GALNT10: variants seen among roughly 807,000 people sequenced by gnomAD.
GALNT10 encodes the protein GalNAc transferase 10.
A neutral mutation model predicts 75.0 loss-of-function variants in GALNT10; 41 were observed. That is an observed-to-expected ratio of 0.55 (90% confidence interval 0.43 to 0.71). The LOEUF is 0.71. Among genes scored for constraint, GALNT10 ranks in the 30% least tolerant of loss-of-function variants. GALNT10 has a pLI of 0.00. For missense variants in GALNT10, 727 were observed against 818.5 expected, an observed-to-expected ratio of 0.89 and a Z score of 1.36; for synonymous variants, 302 against 313.0, an observed-to-expected ratio of 0.96 and a Z score of 0.37.
At position 154,412,956 on chromosome 5, in the gene GALNT10, T is replaced by C. The variant is rs767929676; in HGVS notation, c.1454T>C (p.Leu485Pro). The change falls in exon 10 of 12, where the codon CTA (leucine) becomes CCA (proline). Residue 485 changes from leucine to proline, a missense_variant. By Grantham distance (98) the Leu-to-Pro change is moderately conservative. Transcript: ENST00000297107. This position sits in a 1 kb window ranked among gnomAD's most constrained non-coding sequence, Gnocchi z 4.2. ...GGGGCCTTGGGCTCCCCACTAAGGC[T>C]AGAGGGCTGCGTCCGAGGCCGTGGG... ...KHGALGSPLRLEGCVRGRGEA... is the reference protein window; with the variant it reads ...KHGALGSPLRPEGCVRGRGEA... 2.2e-5 allele frequency: 36 copies of C among 1,613,530 alleles called. No individual in the cohort carries two copies. The highest frequency in any genetic ancestry group is 2.9e-5 in the Non-Finnish European group (34 of 1,179,800).
At chr5:154,325,737 A>G (rs749910149) in intron 3 of GALNT10, among the ~76,000 whole-genome samples, 2 of 152,154 alleles carry the variant, frequency 1.3e-5, no homozygotes, top group South Asian at 2.1e-4. Context: ...GATAAAGTGC[A>G]TCTGTGAAAA....
intron 6 of GALNT10, among the ~76,000 whole-genome samples, chr5:154,386,072 A>C (rs747483690): frequency 4.6e-5 from 7 of 152,210 alleles, no homozygotes; most frequent in Non-Finnish European, 8.8e-5. Flanking sequence ...AAGTACTCTT[A>C]GGTGTTAATT....
At chr5:154,228,070 C>T (rs949640163) in intron 1 of GALNT10, among the ~76,000 whole-genome samples, 1 of 152,170 alleles carries the variant, frequency 6.6e-6, no homozygotes, top group African/African-American at 2.4e-5. Context: ...ATGTGATGTG[C>T]CTGCTCCTAC....
intron 1 of GALNT10, among the ~76,000 whole-genome samples, chr5:154,243,113 G>A (rs939720975): frequency 2.0e-5 from 3 of 151,920 alleles, no homozygotes; most frequent in African/African-American, 7.3e-5. Flanking sequence ...TCTGCAAAAT[G>A]AGATAGCATC....
Position 154,404,086 on chromosome 5 carries a change from T to C in GALNT10, c.1057-18T>C. 1 of 1,591,340 alleles carries C rather than the reference T, an allele frequency of 6.3e-7. No individual in the cohort carries two copies. The highest frequency in any genetic ancestry group is 1.1e-5 in the South Asian group (1 of 90,606). ...GGAAGCAGAAACGTCATCCTCTCTC[T>C]TCCTTCTTGCCATGCAGGTGTGGAT... On this transcript the variant is annotated intron_variant, in intron 7 of 11. Coordinates refer to ENST00000297107, the MANE Select transcript of GALNT10 (RefSeq NM_198321.4).
chr5:154,223,700 A>T (rs1753020306), intron 1 of GALNT10, among the ~76,000 whole-genome samples: 2 of 151,854 alleles, frequency 1.3e-5, no homozygotes, highest in South Asian at 4.2e-4. Context: ...CGGGTGGATC[A>T]CCTGAGGTTA....
At chr5:154,257,054 TGCTTGAAGCCAGGA>T (rs1287527554) in intron 1 of GALNT10, among the ~76,000 whole-genome samples, 5 of 152,144 alleles carry the variant, frequency 3.3e-5, no homozygotes, top group African/African-American at 1.2e-4. Flanking sequence ...GTGGGAGGAT[TGCTTGAAGCCAGGA>T]GTTTGAGACC....
intron 1 of GALNT10, among the ~76,000 whole-genome samples, chr5:154,266,710 A>G (rs1197558458): frequency 6.6e-6 from 1 of 151,978 alleles, no homozygotes; most frequent in East Asian, 1.9e-4. Context: ...CCCTGTCTCT[A>G]TAAAAATAAA....
chr5:154,263,942 C>A (rs1753739088), intron 1 of GALNT10, among the ~76,000 whole-genome samples: 1 of 152,106 alleles, frequency 6.6e-6, no homozygotes, highest in African/African-American at 2.4e-5. Context: ...GATGTTTATA[C>A]AACTTTATAA....
chr5:154,222,991 T>C lies in GALNT10; in HGVS notation c.159+31966T>C, dbSNP rs189834690. On this transcript the variant is annotated intron_variant, in intron 1 of 11. Transcript: ENST00000297107. ...GTAAGACATTGAAATTTAACAAATG[T>C]AGTAAACCTTAAGAATCCCGTGGAA... Among the ~76,000 whole-genome samples, 11 of 152,314 alleles carry C rather than the reference T, an allele frequency of 7.2e-5. No homozygotes were observed. The East Asian group carries it at 1.9e-3, about 27-fold the overall frequency.
chr5:154,254,998 T>A (rs564615306), intron 1 of GALNT10, among the ~76,000 whole-genome samples: 1 of 152,086 alleles, frequency 6.6e-6, no homozygotes, highest in Non-Finnish European at 1.5e-5. Flanking sequence ...TCGTTGTTGT[T>A]GTTTTTAGAG....
At chr5:154,231,901 C>A (rs1231092395) in intron 1 of GALNT10, among the ~76,000 whole-genome samples, 2 of 152,176 alleles carry the variant, frequency 1.3e-5, no homozygotes, top group African/African-American at 4.8e-5. Flanking sequence ...AGCTTTTCTG[C>A]ACAGGATCCT....
intron 1 of GALNT10, among the ~76,000 whole-genome samples, chr5:154,277,961 C>T (rs1242528499): frequency 6.7e-6 from 1 of 150,256 alleles, no homozygotes; most frequent in Non-Finnish European, 1.5e-5. Flanking sequence ...TTATGATATT[C>T]CCTGGAGTAC....
intron 3 of GALNT10, among the ~76,000 whole-genome samples, chr5:154,322,307 C>T (rs1401431368): frequency 6.6e-6 from 1 of 152,134 alleles, no homozygotes; most frequent in African/African-American, 2.4e-5. Context: ...TCTTCCTGGG[C>T]TCACGACCCT....
intron 1 of GALNT10, among the ~76,000 whole-genome samples, chr5:154,253,589 G>C (rs1002085001): frequency 2.6e-5 from 4 of 151,694 alleles, no homozygotes; most frequent in African/African-American, 9.7e-5. Context: ...TAACAATTTA[G>C]TATGGGATTT....
intron 3 of GALNT10, among the ~76,000 whole-genome samples, chr5:154,315,580 G>C (rs1754584318): frequency 2.0e-5 from 3 of 152,216 alleles, no homozygotes; most frequent in Admixed American, 6.5e-5. Flanking sequence ...GAATTTGATT[G>C]GTCTGGTGAG....
intron 4 of GALNT10, among the ~76,000 whole-genome samples, chr5:154,341,463 G>A (rs764953075): frequency 1.2e-4 from 18 of 152,180 alleles, no homozygotes; most frequent in South Asian, 2.1e-4. Flanking sequence ...GGTGAAAGCA[G>A]GTGGAATTAT....
intron 1 of GALNT10, among the ~76,000 whole-genome samples, chr5:154,291,472 A>G (rs1385498110): frequency 1.3e-5 from 2 of 152,230 alleles, no homozygotes; most frequent in East Asian, 3.8e-4. Flanking sequence ...ATTCTCCTGC[A>G]CATTAAAATT....
At chr5:154,324,500 A>T (rs1754725212) in intron 3 of GALNT10, among the ~76,000 whole-genome samples, 1 of 152,216 alleles carries the variant, frequency 6.6e-6, no homozygotes. Flanking sequence ...ACCTCTTTAC[A>T]GGTGAATCTC....
Sources: allele counts gnomAD v4.1 joint callset (sites outside exome capture counted in the v4.1 genomes callset), GRCh38; gene constraint gnomAD v4.1.1; non-coding constraint Gnocchi (gnomAD v3.1); transcripts MANE v1.5; gene names NCBI Gene and HGNC (gene_info 2026-07-23, HGNC 2026-07-21).